Variants in ROBO1 observed in about 807,000 individuals in gnomAD.
ROBO1 encodes roundabout homolog 1.
A neutral mutation model predicts 195.9 loss-of-function variants in ROBO1; 149 were observed. That is an observed-to-expected ratio of 0.76 (90% CI 0.67 to 0.87). The LOEUF is 0.87. ROBO1 is among the 40% of genes least tolerant of loss of function. The pLI is 0.00. For synonymous variants in ROBO1, 816 were observed against 733.2 expected, an observed-to-expected ratio of 1.11 and a Z score of -1.82; for missense variants, 1,933 against 2,068.3, an observed-to-expected ratio of 0.93 and a Z score of 1.27.
At chr3:79,664,752 C>A (rs972801907) in intron 1 of ROBO1, among the ~76,000 whole-genome samples, 3 of 151,854 alleles carry the variant, frequency 2.0e-5, no homozygotes, top group Non-Finnish European at 4.4e-5. Context: ...GTCCTCTATG[C>A]CCTGACATCT....
intron 8 of ROBO1, among the ~76,000 whole-genome samples, chr3:78,713,024 G>A (rs2081802897): frequency 6.6e-6 from 1 of 152,102 alleles, no homozygotes; most frequent in South Asian, 2.1e-4. Context: ...TCCTTCTGGA[G>A]GGCTTTTGAA....
intron 3 of ROBO1, among the ~76,000 whole-genome samples, chr3:78,959,284 T>A: frequency 7.5e-6 from 1 of 133,604 alleles, no homozygotes; most frequent in African/African-American, 2.4e-5. Flanking sequence ...AGGCAATATG[T>A]GTGAAAGAAA....
At chr3:79,067,808 T>C (rs1383890570) in intron 3 of ROBO1, among the ~76,000 whole-genome samples, 4 of 151,964 alleles carry the variant, frequency 2.6e-5, no homozygotes, top group Non-Finnish European at 5.9e-5. Context: ...AGTGGTTTAG[T>C]TGACTGATTC....
At chr3:78,944,953 T>C (rs1325596823) in intron 3 of ROBO1, among the ~76,000 whole-genome samples, 1 of 152,118 alleles carries the variant, frequency 6.6e-6, no homozygotes, top group East Asian at 1.9e-4. Context: ...AAGGCGGCAG[T>C]GAGGCTTGGG....
At chr3:78,863,934 T>C (rs1576310154) in intron 4 of ROBO1, among the ~76,000 whole-genome samples, 1 of 152,184 alleles carries the variant, frequency 6.6e-6, no homozygotes, top group Non-Finnish European at 1.5e-5. Flanking sequence ...CATAACTTTT[T>C]ATGTTCTGCA....
At chr3:78,875,988 A>G (rs1041069093) in intron 4 of ROBO1, among the ~76,000 whole-genome samples, 2 of 152,114 alleles carry the variant, frequency 1.3e-5, no homozygotes, top group Non-Finnish European at 2.9e-5. Context: ...TACTTAATGA[A>G]GATTCACCAA....
chr3:78,651,245 A>G (rs1706637815), intron 19 of ROBO1, among the ~76,000 whole-genome samples: 1 of 152,180 alleles, frequency 6.6e-6, no homozygotes, highest in African/African-American at 2.4e-5. Flanking sequence ...GCAACAGTAC[A>G]TCACTCAGTC....
intron 2 of ROBO1, among the ~76,000 whole-genome samples, chr3:79,268,920 A>G (rs960192920): frequency 1.3e-5 from 2 of 151,706 alleles, no homozygotes; most frequent in African/African-American, 2.4e-5. Context: ...TGGACATTCT[A>G]TATATTTAAA....
At position 78,668,585 on chromosome 3, in the gene ROBO1, A is replaced by C; in HGVS notation, c.1549-20T>G. ...ACCCAGCTGAGAAGGCAGACAAAAA[A>C]TAAATATTTGGAAAAATCAAGAACT... On this transcript the variant is annotated intron_variant, in intron 11 of 30. Coordinates refer to ENST00000464233, the MANE Select transcript of ROBO1 (RefSeq NM_002941.4). 6.2e-7 allele frequency: 1 copy of C among 1,611,726 alleles called. No homozygotes were observed. Among genetic ancestry groups the C allele is most frequent in the Non-Finnish European group, 8.5e-7 (1 of 1,178,314 alleles).
In ROBO1 at chr3:78,718,645, C is replaced by A. The variant is rs866257383; in HGVS notation, c.658-762G>T. On this transcript the variant is annotated intron_variant, in intron 5 of 30. Coordinates refer to ENST00000464233, the MANE Select transcript of ROBO1 (RefSeq NM_002941.4). ...ATTGGACTATCCTTAATTTAACACG[C>A]TTTTGGATGAGAGTTGAGTTCAATT... is the stretch of plus-strand genomic sequence containing the variant. Among the ~76,000 whole-genome samples the A allele has an allele frequency of 5.3e-5, 8 of 151,962 alleles. No individual in the cohort carries two copies. In the South Asian group the frequency reaches 1.5e-3, roughly 28 times the overall value.
intron 2 of ROBO1, among the ~76,000 whole-genome samples, chr3:79,423,334 G>A (rs2038310015): frequency 6.6e-6 from 1 of 152,068 alleles, no homozygotes; most frequent in African/African-American, 2.4e-5. Context: ...ATTTCTTACT[G>A]CTAAGGAAAC....
intron 4 of ROBO1, among the ~76,000 whole-genome samples, chr3:78,780,645 C>T (rs1348626128): frequency 6.6e-6 from 1 of 152,092 alleles, no homozygotes; most frequent in Non-Finnish European, 1.5e-5. Context: ...TACAAATCTC[C>T]TAATTTGTCT....
chr3:79,088,217 A>T (rs2079410961), intron 3 of ROBO1, among the ~76,000 whole-genome samples: 1 of 152,144 alleles, frequency 6.6e-6, no homozygotes, highest in Non-Finnish European at 1.5e-5. Context: ...TAACAGAATG[A>T]CTTCTAAATT....
intron 4 of ROBO1, among the ~76,000 whole-genome samples, chr3:78,913,416 TA>T (rs2038368480): frequency 1.3e-5 from 2 of 152,060 alleles, no homozygotes; most frequent in Non-Finnish European, 2.9e-5. Flanking sequence ...TTTCAATTTT[TA>T]AAATGTCAAG....
intron 4 of ROBO1, among the ~76,000 whole-genome samples, chr3:78,917,159 C>G (rs1210103292): frequency 7.4e-6 from 1 of 135,950 alleles, no homozygotes; most frequent in Non-Finnish European, 1.5e-5. Flanking sequence ...TGCAGAGGCA[C>G]AATCTCGGCT....
In ROBO1 at chr3:79,480,669, AT is replaced by A. The variant is rs1454215415; in HGVS notation, c.88+109154del. ...GGTTTAACAAATATAAATTATTAAGATTCTCAATGTCATTTTCAAAACTTAA... is the reference window on the plus strand; with the variant it reads ...GGTTTAACAAATATAAATTATTAAGATCTCAATGTCATTTTCAAAACTTAA... On this transcript the variant is annotated intron_variant, in intron 2 of 30. Coordinates refer to ENST00000464233, the MANE Select transcript of ROBO1 (RefSeq NM_002941.4). Among the ~76,000 whole-genome samples the A allele has an allele frequency of 5.9e-5, 9 of 152,222 alleles. No individual in the cohort carries two copies. In the East Asian group the frequency reaches 1.7e-3, roughly 29 times the overall value.
chr3:79,319,485 T>C (rs954626224), intron 2 of ROBO1, among the ~76,000 whole-genome samples: 1 of 152,160 alleles, frequency 6.6e-6, no homozygotes, highest in African/African-American at 2.4e-5. Flanking sequence ...TCCCTGTTTA[T>C]CAAGTAAGTC....
At chr3:79,526,578 T>C (rs1180265500) in intron 2 of ROBO1, 2 of 152,220 alleles carry the variant, frequency 1.3e-5, no homozygotes, top group African/African-American at 2.4e-5. Flanking sequence ...TCCATAATTC[T>C]GTGAAGAAAC....
At chr3:79,508,751 C>T (rs1243589298) in intron 2 of ROBO1, among the ~76,000 whole-genome samples, 1 of 152,164 alleles carries the variant, frequency 6.6e-6, no homozygotes, top group Non-Finnish European at 1.5e-5. Flanking sequence ...TTAGAGTCTG[C>T]TCATCAAAAT....
Sources: allele counts gnomAD v4.1 joint callset (sites outside exome capture counted in the v4.1 genomes callset), GRCh38; gene constraint gnomAD v4.1.1; transcripts MANE v1.5; gene names NCBI Gene and HGNC (gene_info 2026-07-23, HGNC 2026-07-21).